Variants in CYTH1 observed in about 807,000 individuals in gnomAD.
The protein encoded by CYTH1 is cytohesin 1.
CYTH1 carries 18 observed loss-of-function variants against 61.8 expected under a neutral mutation model. The ratio of observed to expected loss-of-function variants is 0.29; its 90% CI spans 0.20 to 0.43. The LOEUF (loss-of-function observed/expected upper bound fraction) is 0.43. Among genes scored for constraint, CYTH1 ranks in the 20% least tolerant of loss-of-function variants. The probability of loss-of-function intolerance (pLI) is 1.00; values close to 1 mark genes in which losing one functional copy is unlikely to be tolerated. For synonymous variants in CYTH1, 174 were observed against 184.3 expected, an observed-to-expected ratio of 0.94 and a Z score of 0.45; for missense variants, 336 against 510.5, an observed-to-expected ratio of 0.66 and a Z score of 3.29.
chr17:78,708,451 G>T (rs1256718505), intron 2 of CYTH1, among the ~76,000 whole-genome samples, 190 bp from the exon 3 acceptor site: 1 of 152,194 alleles, frequency 6.6e-6, no homozygotes, highest in East Asian at 1.9e-4. Context: ...CTACCAAACA[G>T]TAAGCATTCC....
chr17:78,709,510 C>T lies in CYTH1; in HGVS notation c.105+140G>A, dbSNP rs1286802871. 1.1e-5 allele frequency: 8 copies of T among 755,872 alleles called. No homozygotes were observed. In the South Asian group the frequency reaches 1.2e-4, roughly 12 times the overall value. 46.8% of individuals were successfully genotyped at this position (755,872 alleles called of 1,614,324 possible). ...TAGAGGAAAGGTGACTGATTATCAA[C>T]ACCTACGCTTTGTGCAGAGCTGTAG... On this transcript the variant is annotated intron_variant, in intron 2 of 13. Coordinates refer to ENST00000446868, the MANE Select transcript of CYTH1 (RefSeq NM_004762.6).
chr17:78,781,777 C>T (rs2093519210), intron 1 of CYTH1, among the ~76,000 whole-genome samples: 1 of 152,010 alleles, frequency 6.6e-6, no homozygotes, highest in Admixed American at 6.5e-5. Flanking sequence ...GACCTCCACC[C>T]CTCGGCCCCC....
At chr17:78,772,734 C>T (rs984155664) in intron 1 of CYTH1, among the ~76,000 whole-genome samples, 4 of 151,570 alleles carry the variant, frequency 2.6e-5, no homozygotes, top group African/African-American at 9.7e-5. Context: ...GACAGAGTTT[C>T]ACAATGTTGG....
chr17:78,745,145 C>T (rs1034407272), intron 1 of CYTH1, among the ~76,000 whole-genome samples: 130 of 152,214 alleles, frequency 8.5e-4, no homozygotes, highest in African/African-American at 2.9e-3. Flanking sequence ...TGAGCCAGGA[C>T]TGCAGTCTCC....
intron 1 of CYTH1, among the ~76,000 whole-genome samples, chr17:78,737,821 T>C (rs1337376587): frequency 6.6e-6 from 1 of 152,028 alleles, no homozygotes; most frequent in African/African-American, 2.4e-5. Flanking sequence ...TTGGTAGACA[T>C]TTTCCAGACT....
chr17:78,781,443 G>A (rs1427069105), intron 1 of CYTH1, among the ~76,000 whole-genome samples: 1 of 152,232 alleles, frequency 6.6e-6, no homozygotes, highest in Non-Finnish European at 1.5e-5. Context: ...CGGGAGCGAA[G>A]GGAGCGGGAC....
intron 1 of CYTH1, among the ~76,000 whole-genome samples, chr17:78,740,865 G>A (rs2093339261): frequency 6.6e-6 from 1 of 152,140 alleles, no homozygotes; most frequent in Non-Finnish European, 1.5e-5. Context: ...CAAACAGAGT[G>A]TTAGATTACT....
chr17:78,773,437 C>T (rs2144762536), intron 1 of CYTH1, among the ~76,000 whole-genome samples: 1 of 152,236 alleles, frequency 6.6e-6, no homozygotes, highest in East Asian at 1.9e-4. Context: ...TGAGGCCAGC[C>T]TTACCAACAT....
rs543577803 is a variant in CYTH1, at chr17:78,692,126, C to A, written c.891+291G>T. The A allele has an allele frequency of 1.1e-5, 4 of 366,564 alleles. No homozygotes were observed. The South Asian group carries it at 1.4e-4, about 13-fold the overall frequency. 22.7% of individuals were successfully genotyped at this position (366,564 alleles called of 1,614,324 possible). A position where few individuals can be genotyped will look rare whatever the true frequency, so the allele number is the denominator to read the frequency against. On this transcript the variant is annotated intron_variant, in intron 11 of 13. Transcript: ENST00000446868. ...CAATGCAAATTCATTCTTTCTAGCC[C>A]AGTTCCAAAACCCATTTCTAGTGCT... is the stretch of plus-strand genomic sequence containing the variant.
chr17:78,735,991 C>T (rs1178472219), intron 1 of CYTH1, among the ~76,000 whole-genome samples: 2 of 152,220 alleles, frequency 1.3e-5, no homozygotes, highest in Admixed American at 1.3e-4. Flanking sequence ...TTACTCATAG[C>T]TCCACTGTTT....
At chr17:78,709,889 A>C (rs138877525) in intron 1 of CYTH1, among the ~76,000 whole-genome samples, 157 bp from the exon 2 acceptor site, 1 of 152,388 alleles carries the variant, frequency 6.6e-6, no homozygotes, top group East Asian at 1.9e-4. Context: ...TCCAATTCTT[A>C]TCAGATTTCT....
At chr17:78,715,315 T>TA (rs562326897) in intron 1 of CYTH1, among the ~76,000 whole-genome samples, 211 of 152,274 alleles carry the variant, frequency 1.4e-3, no homozygotes, top group African/African-American at 5.0e-3. Context: ...CTCAGTCAAG[T>TA]AGGAGGGTAA....
chr17:78,760,503 ATATG>A lies in CYTH1; in HGVS notation c.22+21695_22+21698del, dbSNP rs1598916954. The stretch of plus-strand genomic sequence containing the variant: ...TATGTATGTATATATATATACATAT[ATATG>A]TATATATATGTATATATATATATAC... On this transcript the variant is annotated intron_variant, in intron 1 of 13. Transcript: ENST00000446868. 2.0e-4 allele frequency among the ~76,000 whole-genome samples: 9 copies of A among 45,688 alleles called. 1 individual carries two copies. Among genetic ancestry groups the A allele is most frequent in the East Asian group, 1.3e-3 (2 of 1,592 alleles). 30.0% of individuals were successfully genotyped at this position (45,688 alleles called of 152,430 possible).
At chr17:78,759,058 A>C (rs1003686119) in intron 1 of CYTH1, among the ~76,000 whole-genome samples, 1 of 152,048 alleles carries the variant, frequency 6.6e-6, no homozygotes, top group African/African-American at 2.4e-5. Context: ...GGCTATGACA[A>C]CACCACTGCA....
intron 11 of CYTH1, among the ~76,000 whole-genome samples, chr17:78,684,125 G>T (rs2092791743): frequency 1.3e-5 from 2 of 152,238 alleles, no homozygotes; most frequent in South Asian, 4.1e-4. Flanking sequence ...CTGGTCACCG[G>T]GAGAACCCAC....
In CYTH1 at chr17:78,698,956, A is replaced by G; in HGVS notation, c.563T>C (p.Val188Ala). Residue 188 changes from valine to alanine, a missense_variant, in exon 8 of 14, where the codon GTC becomes GCC. Coordinates refer to ENST00000446868, the MANE Select transcript of CYTH1 (RefSeq NM_004762.6). The part of the protein sequence containing the change: ...GVFQSTDTCY[V>A]LSFAIIMLNT... ...CAACATGATGATGGCAAAGGAGAGG[A>G]CGTAACAAGTATCTAAAGATGAGAG... The G allele has an allele frequency of 6.2e-7, 1 of 1,610,460 alleles. No homozygotes were observed. Among genetic ancestry groups the G allele is most frequent in the Non-Finnish European group, 8.5e-7 (1 of 1,178,800 alleles).
intron 1 of CYTH1, among the ~76,000 whole-genome samples, chr17:78,748,859 C>G (rs963970744): frequency 6.6e-6 from 1 of 152,134 alleles, no homozygotes; most frequent in African/African-American, 2.4e-5. Context: ...CCCTTCCTTG[C>G]AAAACCACAA....
intron 3 of CYTH1, among the ~76,000 whole-genome samples, chr17:78,704,820 G>A (rs1381921686): frequency 1.3e-5 from 2 of 152,088 alleles, no homozygotes; most frequent in Admixed American, 1.3e-4. Context: ...TCGCATCCAG[G>A]CTGTTTTGAC....
At chr17:78,699,493 C>A (rs1598846251) in intron 7 of CYTH1, among the ~76,000 whole-genome samples, 1 of 152,220 alleles carries the variant, frequency 6.6e-6, no homozygotes, top group African/African-American at 2.4e-5. Context: ...AGACTTAAAG[C>A]TGTTTATTTT....
Sources: gnomAD v4.1 joint callset for allele counts (sites outside exome capture counted in the v4.1 genomes callset) on GRCh38, gnomAD v4.1.1 for gene constraint, MANE v1.5 for transcripts, NCBI Gene and HGNC (gene_info 2026-07-23, HGNC 2026-07-21) for gene names.